PRKCA: variants seen among roughly 807,000 people sequenced by gnomAD.
PRKCA encodes protein kinase C alpha.
Under a neutral mutation model 87.0 loss-of-function variants are expected in PRKCA, and 27 were observed. That is an observed-to-expected ratio of 0.31 (90% confidence interval 0.23 to 0.43). The LOEUF (loss-of-function observed/expected upper bound fraction) is 0.43. Among genes scored for constraint, PRKCA ranks in the 20% least tolerant of loss-of-function variants. The pLI, the probability that PRKCA is intolerant of heterozygous loss-of-function variation, is 1.00. For synonymous variants in PRKCA, 329 were observed against 311.1 expected (o/e 1.06, Z -0.61); for missense variants, 518 against 852.3 (o/e 0.61, Z 4.88).
At chr17:66,312,212 C>T (rs989096674) in intron 2 of PRKCA, among the ~76,000 whole-genome samples, 3 of 152,124 alleles carry the variant, frequency 2.0e-5, no homozygotes, top group Admixed American at 2.0e-4. Context: ...GAACTCCAGA[C>T]CTTAGGTGAT....
chr17:66,303,091 C>A (rs930305170), intron 1 of PRKCA, 67 bp downstream of exon 1: 3 of 1,566,742 alleles, frequency 1.9e-6, no homozygotes, highest in African/African-American at 2.8e-5. Flanking sequence ...CCCGGCGCTC[C>A]GGCGCGTCCG....
intron 2 of PRKCA, among the ~76,000 whole-genome samples, chr17:66,435,401 C>T (rs1231673585): frequency 3.9e-5 from 6 of 152,206 alleles, no homozygotes; most frequent in East Asian, 1.9e-4. Context: ...GCTGCAGTCC[C>T]GTGCAGCCGG....
At chr17:66,549,279 T>G (rs1474119752) in intron 3 of PRKCA, among the ~76,000 whole-genome samples, 4 of 151,960 alleles carry the variant, frequency 2.6e-5, no homozygotes, top group Non-Finnish European at 2.9e-5. Flanking sequence ...TGGGTGGAGC[T>G]CGGATGCATG....
chr17:66,666,595 C>CTCA (rs1176006381), intron 5 of PRKCA, among the ~76,000 whole-genome samples: 5 of 152,172 alleles, frequency 3.3e-5, no homozygotes, highest in Non-Finnish European at 4.4e-5. Flanking sequence ...TCTTGCTTTC[C>CTCA]TCATTTCCTA....
At chr17:66,729,364 A>G (rs1973829901) in intron 8 of PRKCA, among the ~76,000 whole-genome samples, 1 of 152,204 alleles carries the variant, frequency 6.6e-6, no homozygotes, top group Admixed American at 6.5e-5. Context: ...GGATCGCACC[A>G]CTGCACTCCA....
At chr17:66,379,822 T>C (rs1465834565) in intron 2 of PRKCA, among the ~76,000 whole-genome samples, 1 of 152,226 alleles carries the variant, frequency 6.6e-6, no homozygotes, top group East Asian at 1.9e-4. Context: ...TATTCCTTTG[T>C]TCCAAGAATT....
intron 2 of PRKCA, among the ~76,000 whole-genome samples, chr17:66,354,329 C>G (rs1907920184): frequency 6.6e-6 from 1 of 152,134 alleles, no homozygotes; most frequent in African/African-American, 2.4e-5. Flanking sequence ...ACATGCAGCT[C>G]TGCTCCATGC....
At chr17:66,359,517 C>A (rs982157035) in intron 2 of PRKCA, among the ~76,000 whole-genome samples, 2 of 152,136 alleles carry the variant, frequency 1.3e-5, no homozygotes, top group Non-Finnish European at 2.9e-5. Flanking sequence ...AGAAGAATTC[C>A]ACCCTGGCCA....
At chr17:66,386,229 C>T (rs1436163680) in intron 2 of PRKCA, among the ~76,000 whole-genome samples, 1 of 152,170 alleles carries the variant, frequency 6.6e-6, no homozygotes, top group African/African-American at 2.4e-5. Context: ...CAGTATAGAT[C>T]TTGGACCTCT....
chr17:66,625,887 T>TA (rs911912034), intron 3 of PRKCA, among the ~76,000 whole-genome samples: 24 of 152,202 alleles, frequency 1.6e-4, no homozygotes, highest in Non-Finnish European at 3.4e-4. Flanking sequence ...TCTTCATCTT[T>TA]AAACTGGAGA....
intron 3 of PRKCA, among the ~76,000 whole-genome samples, chr17:66,562,207 A>G (rs1002479966): frequency 1.4e-5 from 2 of 140,606 alleles, no homozygotes; most frequent in African/African-American, 2.6e-5. Flanking sequence ...TTAAATATAT[A>G]TAATTAAATT....
intron 2 of PRKCA, among the ~76,000 whole-genome samples, chr17:66,359,562 T>G (rs946907260): frequency 6.6e-5 from 10 of 152,360 alleles, no homozygotes; most frequent in African/African-American, 2.4e-4. Flanking sequence ...TTTAACAATG[T>G]CTTGAGGTCA....
At chr17:66,465,685 C>A (rs1464911207) in intron 2 of PRKCA, among the ~76,000 whole-genome samples, 1 of 152,050 alleles carries the variant, frequency 6.6e-6, no homozygotes. Context: ...CAGAGGGGAG[C>A]CACTGTGCCT....
At chr17:66,352,377 A>C (rs1383091579) in intron 2 of PRKCA, among the ~76,000 whole-genome samples, 1 of 152,088 alleles carries the variant, frequency 6.6e-6, no homozygotes. Flanking sequence ...TTCTGTGACC[A>C]TGAAATGAAC....
At position 66,310,072 on chromosome 17, in the gene PRKCA, T is replaced by G. The variant is rs1905018852; in HGVS notation, c.205+3945T>G. ...CCAACTCGATTTTTTTCCCCCTCCTTAGGCGGAGCAACACCCATGCACTTC... is the reference window on the plus strand; with the variant it reads ...CCAACTCGATTTTTTTCCCCCTCCTGAGGCGGAGCAACACCCATGCACTTC... On this transcript the variant is annotated intron_variant, in intron 2 of 16. Coordinates refer to ENST00000413366, the MANE Select transcript of PRKCA (RefSeq NM_002737.3). Among the ~76,000 whole-genome samples the G allele has an allele frequency of 2.6e-5, 4 of 151,988 alleles. No individual in the cohort carries two copies. The South Asian group carries it at 8.3e-4, about 32-fold the overall frequency.
At chr17:66,564,973 C>G (rs1968841854) in intron 3 of PRKCA, among the ~76,000 whole-genome samples, 1 of 152,136 alleles carries the variant, frequency 6.6e-6, no homozygotes, top group Non-Finnish European at 1.5e-5. Context: ...GAGTAAGACT[C>G]CGTGTCAAAA....
chr17:66,481,029 C>A (rs546115738), intron 2 of PRKCA, among the ~76,000 whole-genome samples: 1 of 152,226 alleles, frequency 6.6e-6, no homozygotes, highest in African/African-American at 2.4e-5. Flanking sequence ...TGCCAGATGG[C>A]TGCCTGTCTT....
chr17:66,640,592 A>C (rs569445310), intron 3 of PRKCA, among the ~76,000 whole-genome samples: 2 of 152,280 alleles, frequency 1.3e-5, no homozygotes, highest in East Asian at 3.9e-4. Context: ...TTCGCAGTGT[A>C]TTGTATTTCT....
rs543916948 is a variant in PRKCA at position 66,477,138 on chromosome 17, A to G, written c.206-19063A>G. Among the ~76,000 whole-genome samples the G allele has an allele frequency of 1.1e-3, 165 of 152,302 alleles. 1 individual carries two copies. The highest frequency in any genetic ancestry group is 3.7e-3 in the African/African-American group (154 of 41,558). On this transcript the variant is annotated intron_variant, in intron 2 of 16. Coordinates refer to ENST00000413366, the MANE Select transcript of PRKCA (RefSeq NM_002737.3). ...TCTGGCCCATTAGAAACCACTTGGG[A>G]AACATAAATGCCCACGGATACAGCC...
Sources: gnomAD v4.1 joint callset for allele counts (sites outside exome capture counted in the v4.1 genomes callset) on GRCh38, gnomAD v4.1.1 for gene constraint, MANE v1.5 for transcripts, NCBI Gene and HGNC (gene_info 2026-07-23, HGNC 2026-07-21) for gene names.